Variants in CFAP43 observed in about 807,000 individuals in gnomAD.
CFAP43 encodes cilia- and flagella-associated protein 43.
Under a neutral mutation model 218.9 loss-of-function variants are expected in CFAP43, and 155 were observed. The observed-to-expected ratio is 0.71, with a 90% CI of 0.62 to 0.81. The LOEUF (loss-of-function observed/expected upper bound fraction) is 0.81, where lower values mean the gene tolerates loss of function less well. Among genes scored for constraint, CFAP43 ranks in the 30% least tolerant of loss-of-function variants. The pLI is 0.00. For missense variants in CFAP43, 1,778 were observed against 1,954.3 expected, an observed-to-expected ratio of 0.91 and a Z score of 1.70; for synonymous variants, 645 against 681.3, an observed-to-expected ratio of 0.95 and a Z score of 0.83.
At chr10:104,165,190 C>A (rs1264821366) in intron 23 of CFAP43, among the ~76,000 whole-genome samples, 1 of 152,170 alleles carries the variant, frequency 6.6e-6, no homozygotes, top group Non-Finnish European at 1.5e-5. Context: ...CCAGTGGGAC[C>A]AACTGGATTG....
chr10:104,137,341 G>T (rs915052895), intron 34 of CFAP43, among the ~76,000 whole-genome samples: 2 of 152,152 alleles, frequency 1.3e-5, no homozygotes, highest in African/African-American at 4.8e-5. Context: ...AACATGCTAA[G>T]TGAAAGAAGC....
chr10:104,170,666 T>C (rs940676570), intron 20 of CFAP43, among the ~76,000 whole-genome samples: 3 of 152,152 alleles, frequency 2.0e-5, no homozygotes, highest in Admixed American at 1.3e-4. Flanking sequence ...CCTCAGTTTT[T>C]TCAAGTGCGG....
intron 3 of CFAP43, among the ~76,000 whole-genome samples, chr10:104,223,904 G>A (rs943495151): frequency 1.7e-4 from 26 of 152,194 alleles, no homozygotes; most frequent in Non-Finnish European, 2.9e-4. Context: ...AAAGAAGCCC[G>A]ACAAAAGAAT....
At chr10:104,231,377 AG>A (rs2091443939) in intron 1 of CFAP43, among the ~76,000 whole-genome samples, 2 of 152,382 alleles carry the variant, frequency 1.3e-5, no homozygotes, top group South Asian at 4.1e-4. Context: ...AGATAAACGT[AG>A]AAAATAAAAG....
chr10:104,193,509 A>C (rs937197461), intron 11 of CFAP43: 11 of 172,498 alleles, frequency 6.4e-5, no homozygotes, highest in African/African-American at 2.1e-4. Flanking sequence ...AGAGACAACA[A>C]GAGTGTTTAC....
chr10:104,198,623 C>T (rs1269395289), intron 8 of CFAP43, among the ~76,000 whole-genome samples: 1 of 151,674 alleles, frequency 6.6e-6, no homozygotes, highest in African/African-American at 2.4e-5. Flanking sequence ...TCCAGACATT[C>T]GTTTTTTATT....
chr10:104,147,974 CA>C lies in CFAP43; in HGVS notation c.3684del (p.Ala1229HisfsTer10). On this transcript the variant is annotated frameshift_variant, in exon 29 of 38. Coordinates refer to ENST00000357060, the MANE Select transcript of CFAP43 (RefSeq NM_025145.7). LOFTEE classifies it high-confidence loss of function. Reference sequence around the variant, plus strand: ...TCTTCATCCAACAATAAAGAAAATGCAAGGTTACTTATTTTCAGTTCCTCCT... The same window carrying C: ...TCTTCATCCAACAATAAAGAAAATGCAGGTTACTTATTTTCAGTTCCTCCT... ...TNQEELKISN[L>X]AFSLLLDEEL... is the part of the protein sequence containing the mutation. The C allele has an allele frequency of 6.3e-7, 1 of 1,589,774 alleles. No homozygotes were observed. Among genetic ancestry groups the C allele is most frequent in the Non-Finnish European group, 8.6e-7 (1 of 1,166,900 alleles).
At position 104,161,167 on chromosome 10, in the gene CFAP43, A is replaced by C. The variant is rs2088849764; in HGVS notation, c.3415-5T>G. ...GAAAGCAGGTTGAGGAATCACCTGAAGATATGAAGAAAAGCATATATTTCA... is the reference window on the plus strand; with the variant it reads ...GAAAGCAGGTTGAGGAATCACCTGACGATATGAAGAAAAGCATATATTTCA... On this transcript the variant is annotated splice_region_variant and splice_polypyrimidine_tract_variant and intron_variant, in intron 26 of 37. Transcript: ENST00000357060. The C allele has an allele frequency of 2.5e-6, 4 of 1,612,642 alleles. No individual in the cohort carries two copies.
intron 6 of CFAP43, among the ~76,000 whole-genome samples, chr10:104,206,518 A>G (rs2090694641): frequency 6.6e-6 from 1 of 152,174 alleles, no homozygotes; most frequent in Non-Finnish European, 1.5e-5. Flanking sequence ...GATTAGGGAG[A>G]GCGTGAAATC....
chr10:104,164,262 C>A lies in CFAP43; in HGVS notation c.3078G>T (p.Glu1026Asp). 1.2e-6 allele frequency: 2 copies of A among 1,611,396 alleles called. No individual in the cohort carries two copies. The highest frequency in any genetic ancestry group is 1.7e-6 in the Non-Finnish European group (2 of 1,178,334). Reference sequence around the variant, plus strand: ...CTTTTTGTTTATATGCAGCGTCAAACTCATTATTGAAAACAGTTTTTACCT... The same window carrying A: ...CTTTTTGTTTATATGCAGCGTCAAAATCATTATTGAAAACAGTTTTTACCT... ...IYKVKTVFNN[E>D]FDAAYKQKEF... Residue 1026 changes from glutamate (E) to aspartate (D), a missense_variant, in exon 24 of 38, where the codon GAG (glutamate) becomes GAT (aspartate). Physicochemically the swap from Glu to Asp is conservative, Grantham distance 45. Transcript: ENST00000357060.
At chr10:104,131,546 TAAA>T (rs960804339) in intron 36 of CFAP43, 62 bp from the exon 37 acceptor site, 143 of 1,496,216 alleles carry the variant, frequency 9.6e-5, no homozygotes, top group Admixed American at 1.3e-4. Context: ...ATTTATCCTA[TAAA>T]GACATTATTC....
In CFAP43 at chr10:104,167,722, A is replaced by G. The variant is rs886645134; in HGVS notation, c.2707T>C (p.Cys903Arg). The stretch of plus-strand genomic sequence containing the variant: ...TTCATCGGGAAGTTTTCAACCACAC[A>G]GGGGATATGAAAACACTTGGGGAAA... ...GRALKCFHIP[C>R]VVENFPMKAR... Residue 903 changes from cysteine (C) to arginine (R), a missense_variant, in exon 22 of 38, where the codon TGT becomes CGT. This residue lies in a region of CFAP43 where 1,553 missense variants were observed against 1,685.2 expected (regional missense o/e 0.92). Transcript: ENST00000357060. The G allele has an allele frequency of 6.2e-6, 10 of 1,605,770 alleles. No individual in the cohort carries two copies. The highest frequency in any genetic ancestry group is 2.2e-5 in the East Asian group (1 of 44,820).
intron 35 of CFAP43, chr10:104,132,904 G>T (rs1487677570): frequency 6.7e-6 from 4 of 595,660 alleles, no homozygotes; most frequent in Non-Finnish European, 8.4e-6. Flanking sequence ...ATGATTGGTT[G>T]CCAGAAGCCA....
chr10:104,191,504 C>T (rs1354118610), intron 12 of CFAP43, among the ~76,000 whole-genome samples: 1 of 152,098 alleles, frequency 6.6e-6, no homozygotes, highest in African/African-American at 2.4e-5. Flanking sequence ...CCTTCACCTC[C>T]ACTCCTCTCC....
chr10:104,188,851 G>A (rs1423459080), intron 12 of CFAP43, among the ~76,000 whole-genome samples: 1 of 152,146 alleles, frequency 6.6e-6, no homozygotes, highest in Non-Finnish European at 1.5e-5. Context: ...GACTTTATGA[G>A]CTTGCTCCAC....
At chr10:104,183,558 T>G (rs1293750557) in intron 16 of CFAP43, among the ~76,000 whole-genome samples, 2 of 151,756 alleles carry the variant, frequency 1.3e-5, no homozygotes, top group African/African-American at 4.8e-5. Context: ...CCCGGCTAAT[T>G]TTTTGTATTT....
At position 104,167,697 on chromosome 10, in the gene CFAP43, T is replaced by C. The variant is rs1336679251; in HGVS notation, c.2732A>G (p.Lys911Arg). ...IPCVVENFPM[K>R]ARTVEELKEL... is the part of the protein sequence containing the mutation. ...TTTCAGCTCTTCAACCGTGCGCGCT[T>C]TCATCGGGAAGTTTTCAACCACACA... Residue 911 changes from lysine to arginine, a missense_variant, in exon 22 of 38, where the codon AAA becomes AGA. Around this residue, in one of 3 missense-constraint regions of CFAP43, gnomAD observed 1,553 missense variants for 1,685.2 expected, o/e 0.92. Transcript: ENST00000357060. 6.2e-7 allele frequency: 1 copy of C among 1,611,148 alleles called. No individual in the cohort carries two copies. Among genetic ancestry groups the C allele is most frequent in the Non-Finnish European group, 8.5e-7 (1 of 1,179,202 alleles).
At chr10:104,189,835 T>C (rs2090147614) in intron 12 of CFAP43, among the ~76,000 whole-genome samples, 1 of 151,696 alleles carries the variant, frequency 6.6e-6, no homozygotes, top group Non-Finnish European at 1.5e-5. Context: ...AGACATTTTC[T>C]CTACTAAAAA....
intron 27 of CFAP43, among the ~76,000 whole-genome samples, chr10:104,160,774 A>T (rs1218286993): frequency 6.6e-6 from 1 of 152,232 alleles, no homozygotes; most frequent in East Asian, 1.9e-4. Flanking sequence ...GAATGAATGA[A>T]GGGCCAAATG....
Sources: gnomAD v4.1 joint callset for allele counts (sites outside exome capture counted in the v4.1 genomes callset) on GRCh38, gnomAD v4.1.1 for gene constraint, gnomAD v4.1.1 regional missense constraint, MANE v1.5 for transcripts, NCBI Gene and HGNC (gene_info 2026-07-23, HGNC 2026-07-21) for gene names.